Variants in C12orf56 observed in about 807,000 individuals in gnomAD.
C12orf56 encodes the protein chromosome 12 open reading frame 56.
C12orf56 carries 71 observed loss-of-function variants against 69.9 expected under a neutral mutation model. The ratio of observed to expected loss-of-function variants is 1.02; its 90% CI spans 0.84 to 1.24. The LOEUF (loss-of-function observed/expected upper bound fraction) is 1.24. C12orf56 is among the 50% of genes most tolerant of loss of function. The pLI is 0.00. For synonymous variants in C12orf56, 276 were observed against 274.1 expected, an observed-to-expected ratio of 1.01 and a Z score of -0.07; for missense variants, 732 against 738.5, an observed-to-expected ratio of 0.99 and a Z score of 0.10.
intron 6 of C12orf56, among the ~76,000 whole-genome samples, chr12:64,287,256 AAAAAAAAGAAGAAG>A (rs1340052568): frequency 1.6e-4 from 23 of 143,032 alleles, no homozygotes; most frequent in South Asian, 4.5e-4. Flanking sequence ...AAAAAAAAAA[AAAAAAAAGAAGAAG>A]AAGAAGAAGA....
chr12:64,283,720 C>T (rs2038162110), intron 8 of C12orf56, among the ~76,000 whole-genome samples: 1 of 151,080 alleles, frequency 6.6e-6, no homozygotes, highest in South Asian at 2.1e-4. Context: ...ATAATGAAGT[C>T]ATCAAGGTCA....
In C12orf56 at chr12:64,285,009, G is replaced by C. The variant is rs867720941; in HGVS notation, c.1221-256C>G. Reference sequence around the variant, plus strand: ...ACTCATGCTGTAATCCCAGCACTTTGGGAGGCCCAGGTGGGCGAATGGCCT... The same window carrying C: ...ACTCATGCTGTAATCCCAGCACTTTCGGAGGCCCAGGTGGGCGAATGGCCT... On this transcript the variant is annotated intron_variant, in intron 7 of 12. Coordinates refer to ENST00000543942, the MANE Select transcript of C12orf56 (RefSeq NM_001170633.2). Among the ~76,000 whole-genome samples the C allele has an allele frequency of 5.3e-5, 8 of 152,188 alleles. No individual in the cohort carries two copies. In the South Asian group the frequency reaches 1.0e-3, roughly 20 times the overall value.
At chr12:64,384,447 A>T (rs2039760796) in intron 1 of C12orf56, among the ~76,000 whole-genome samples, 2 of 152,334 alleles carry the variant, frequency 1.3e-5, no homozygotes, top group South Asian at 4.1e-4. Context: ...GTAGGTGTTC[A>T]ATAATGTCAC....
chr12:64,360,190 C>G lies in C12orf56; in HGVS notation c.253-7134G>C, dbSNP rs1436220575. Among the ~76,000 whole-genome samples, 3 of 151,520 alleles carry G rather than the reference C, an allele frequency of 2.0e-5. No individual in the cohort carries two copies. The East Asian group carries it at 5.8e-4, about 29-fold the overall frequency. Reference sequence around the variant, plus strand: ...CCTGTAATCCCAGCACTTTGGGAGGCTGAGGCCAGCGATTGCATGAGGCCA... The same window carrying G: ...CCTGTAATCCCAGCACTTTGGGAGGGTGAGGCCAGCGATTGCATGAGGCCA... On this transcript the variant is annotated intron_variant, in intron 1 of 12. Transcript: ENST00000543942.
chr12:64,326,912 A>G (rs1383983902), intron 3 of C12orf56, among the ~76,000 whole-genome samples: 1 of 152,188 alleles, frequency 6.6e-6, no homozygotes, highest in East Asian at 1.9e-4. Context: ...GAGTGGTGAG[A>G]CCTTTAAGAG....
chr12:64,365,789 A>ATGTATATATTATGTATAATATATAG lies in C12orf56; in HGVS notation c.253-12758_253-12734dup, dbSNP rs1226891439. Among the ~76,000 whole-genome samples the ATGTATATATTATGTATAATATATAG allele has an allele frequency of 5.9e-4, 83 of 141,258 alleles. 1 individual carries two copies. Among genetic ancestry groups the ATGTATATATTATGTATAATATATAG allele is most frequent in the African/African-American group, 8.6e-4 (33 of 38,508 alleles). 92.7% of individuals were successfully genotyped at this position (141,258 alleles called of 152,430 possible). ...ATATAATACATATAATAAATATATA[A>ATGTATATATTATGTATAATATATAG]TGTATATATTATGTATAATATATAG... On this transcript the variant is annotated intron_variant, in intron 1 of 12. Coordinates refer to ENST00000543942, the MANE Select transcript of C12orf56 (RefSeq NM_001170633.2).
chr12:64,344,583 C>T (rs905013106), intron 2 of C12orf56, among the ~76,000 whole-genome samples: 12 of 152,306 alleles, frequency 7.9e-5, no homozygotes, highest in Non-Finnish European at 1.3e-4. Context: ...ACTGCCACCT[C>T]GGGATCCAAT....
At chr12:64,368,156 T>G (rs1320321392) in intron 1 of C12orf56, among the ~76,000 whole-genome samples, 2 of 152,024 alleles carry the variant, frequency 1.3e-5, no homozygotes, top group East Asian at 1.9e-4. Flanking sequence ...CTGGGGTGCA[T>G]GCAGTAGCGC....
At chr12:64,296,072 GTCTC>G (rs2038360815) in intron 6 of C12orf56, among the ~76,000 whole-genome samples, 1 of 152,166 alleles carries the variant, frequency 6.6e-6, no homozygotes, top group African/African-American at 2.4e-5. Context: ...GAGTGGTTCT[GTCTC>G]TCTGGAGAAT....
At chr12:64,330,243 T>C (rs535011599) in intron 3 of C12orf56, among the ~76,000 whole-genome samples, 1 of 152,244 alleles carries the variant, frequency 6.6e-6, no homozygotes, top group Non-Finnish European at 1.5e-5. Flanking sequence ...TTTTTTCATA[T>C]CCTGTGAAAT....
At chr12:64,317,206 G>A (rs2093838600) in intron 4 of C12orf56, among the ~76,000 whole-genome samples, 2 of 151,914 alleles carry the variant, frequency 1.3e-5, no homozygotes, top group South Asian at 4.2e-4. Flanking sequence ...AAAATTAAGG[G>A]TTGTCCTGTA....
chr12:64,285,643 C>A (rs1017124390), intron 7 of C12orf56, among the ~76,000 whole-genome samples: 3 of 152,064 alleles, frequency 2.0e-5, no homozygotes, highest in African/African-American at 7.2e-5. Context: ...CAAAAATTAG[C>A]CAGGCGTGGT....
intron 2 of C12orf56, among the ~76,000 whole-genome samples, chr12:64,343,386 G>A (rs533803296): frequency 1.3e-5 from 2 of 152,290 alleles, no homozygotes; most frequent in African/African-American, 4.8e-5. Flanking sequence ...AGCGATCAAG[G>A]TCTCTCTGAA....
chr12:64,377,210 TTG>T (rs2039654171), intron 1 of C12orf56, among the ~76,000 whole-genome samples: 1 of 150,318 alleles, frequency 6.7e-6, no homozygotes, highest in African/African-American at 2.5e-5. Context: ...TTTTTTTTTT[TTG>T]AGGAGTCTCG....
chr12:64,282,439 A>G (rs938952489), intron 8 of C12orf56, among the ~76,000 whole-genome samples: 5 of 152,192 alleles, frequency 3.3e-5, no homozygotes, highest in African/African-American at 9.6e-5. Flanking sequence ...ACTATTTTCT[A>G]TATGACCTTT....
At chr12:64,298,408 G>T (rs1405914157) in intron 6 of C12orf56, among the ~76,000 whole-genome samples, 1 of 152,128 alleles carries the variant, frequency 6.6e-6, no homozygotes, top group Non-Finnish European at 1.5e-5. Context: ...GTCAATTTTG[G>T]CTTTTGTTGC....
intron 1 of C12orf56, 108 bp from the exon 2 acceptor site, chr12:64,353,164 T>C (rs773563786): frequency 1.0e-4 from 112 of 1,079,880 alleles, no homozygotes; most frequent in Non-Finnish European, 1.4e-4. Context: ...TCCACATATA[T>C]ATATATTTTT....
At chr12:64,353,485 A>C (rs1464561958) in intron 1 of C12orf56, among the ~76,000 whole-genome samples, 3 of 149,724 alleles carry the variant, frequency 2.0e-5, no homozygotes. Context: ...TTTCCCCTTC[A>C]TTTTATCCAC....
intron 5 of C12orf56, among the ~76,000 whole-genome samples, chr12:64,306,617 C>T (rs2038517169): frequency 6.6e-6 from 1 of 152,136 alleles, no homozygotes; most frequent in Non-Finnish European, 1.5e-5. Flanking sequence ...AATCCGCCCA[C>T]CTCAGCCTCT....
Sources: allele counts gnomAD v4.1 joint callset (sites outside exome capture counted in the v4.1 genomes callset), GRCh38; gene constraint gnomAD v4.1.1; transcripts MANE v1.5; gene names NCBI Gene and HGNC (gene_info 2026-07-23, HGNC 2026-07-21).